The following EFHC2 variants were observed in gnomAD, a reference collection of about 807,000 sequenced individuals.
The protein encoded by EFHC2 is EF-hand domain-containing family member C2.
A neutral mutation model predicts 52.7 loss-of-function variants in EFHC2; 18 were observed. The observed-to-expected ratio is 0.34, with a 90% CI of 0.24 to 0.51. EFHC2 has a LOEUF of 0.51. EFHC2 is among the 20% of genes least tolerant of loss of function. EFHC2 has a pLI of 0.97. For synonymous variants in EFHC2, 203 were observed against 204.1 expected (o/e 0.99, Z 0.04); for missense variants, 513 against 562.5 (o/e 0.91, Z 0.89).
chrX:44,231,123 T>C (rs1006532656), intron 10 of EFHC2, among the ~76,000 whole-genome samples: 2 of 111,872 alleles, frequency 1.8e-5, no homozygotes, highest in Non-Finnish European at 3.8e-5. Flanking sequence ...TCCCTAAGAC[T>C]ACAAATGGAG....
At chrX:44,309,851 C>T in intron 2 of EFHC2, 3 of 1,178,201 alleles carry the variant, frequency 2.5e-6, no homozygotes, top group Non-Finnish European at 3.5e-6. Flanking sequence ...CAGCGCAAGG[C>T]CCAATCTGCC....
At chrX:44,308,216 A>G (rs1005988048) in intron 2 of EFHC2, among the ~76,000 whole-genome samples, 25 of 111,368 alleles carry the variant, frequency 2.2e-4, no homozygotes, top group African/African-American at 7.5e-4. Context: ...ATAAACAACA[A>G]CTTGTAGGAA....
At chrX:44,245,337 G>GA (rs1467079284) in intron 7 of EFHC2, among the ~76,000 whole-genome samples, 2 of 112,051 alleles carry the variant, frequency 1.8e-5, no homozygotes, top group African/African-American at 6.5e-5. Context: ...CAGCCACTAA[G>GA]AAAAAATAAG....
chrX:44,254,937 C>G (rs766292299), intron 4 of EFHC2, among the ~76,000 whole-genome samples: 1 of 111,880 alleles, frequency 8.9e-6, no homozygotes, highest in African/African-American at 3.2e-5. Context: ...TGCAGAAACC[C>G]TACAAGCCAC....
chrX:44,293,394 A>G (rs2037806414), intron 2 of EFHC2, among the ~76,000 whole-genome samples: 1 of 111,222 alleles, frequency 9.0e-6, no homozygotes, highest in African/African-American at 3.3e-5. Context: ...CAATTTCACC[A>G]CATCATCTAT....
chrX:44,154,378 G>A (rs2036591720), intron 14 of EFHC2, among the ~76,000 whole-genome samples: 1 of 112,052 alleles, frequency 8.9e-6, no homozygotes. Context: ...GGATGACTCT[G>A]AAGTGTCAGT....
At chrX:44,232,749 C>T (rs2037288574) in intron 9 of EFHC2, 72 bp from the exon 10 acceptor site, 2 of 990,830 alleles carry the variant, frequency 2.0e-6, no homozygotes, top group African/African-American at 1.9e-5. Flanking sequence ...TTCAGAGTTA[C>T]TTTATCTTCA....
chrX:44,181,251 T>C (rs2036833277), intron 11 of EFHC2, among the ~76,000 whole-genome samples: 1 of 111,083 alleles, frequency 9.0e-6, no homozygotes, highest in Admixed American at 9.6e-5. Flanking sequence ...AAAACATCAA[T>C]AGTATTATCC....
intron 8 of EFHC2, among the ~76,000 whole-genome samples, chrX:44,235,678 G>A (rs926709069): frequency 2.7e-5 from 3 of 112,396 alleles, no homozygotes; most frequent in African/African-American, 9.7e-5. Flanking sequence ...AACACATTGG[G>A]AAAATGAACC....
chrX:44,161,120 A>G (rs2036650923), intron 14 of EFHC2, among the ~76,000 whole-genome samples: 1 of 111,539 alleles, frequency 9.0e-6, no homozygotes, highest in South Asian at 3.8e-4. Flanking sequence ...AGAGGTAAAC[A>G]TTTGGGTGGT....
At chrX:44,176,965 G>A (rs1206698437) in intron 12 of EFHC2, among the ~76,000 whole-genome samples, 1 of 112,429 alleles carries the variant, frequency 8.9e-6, no homozygotes, top group Non-Finnish European at 1.9e-5. Context: ...TTCTCATTCA[G>A]CCAACACTTT....
chrX:44,181,283 A>T (rs1602138313), intron 11 of EFHC2, among the ~76,000 whole-genome samples: 1 of 109,657 alleles, frequency 9.1e-6, no homozygotes, highest in African/African-American at 3.3e-5. Context: ...GATGTCTTTT[A>T]AAAAAAAGTA....
At chrX:44,318,748 T>A (rs955452203) in intron 1 of EFHC2, among the ~76,000 whole-genome samples, 1 of 111,379 alleles carries the variant, frequency 9.0e-6, no homozygotes, top group African/African-American at 3.3e-5. Context: ...TCTGGGACCA[T>A]GGTGTATATT....
chrX:44,266,355 A>T (rs190544779), intron 3 of EFHC2, among the ~76,000 whole-genome samples: 1,374 of 109,513 alleles, frequency 0.013, 26 homozygotes, highest in African/African-American at 0.039. Flanking sequence ...TTTTTTTTTT[A>T]AATTTTTTTA....
chrX:44,241,893 G>C (rs2037361710), intron 8 of EFHC2, among the ~76,000 whole-genome samples: 1 of 112,075 alleles, frequency 8.9e-6, no homozygotes. Context: ...ATAGACTAGA[G>C]ATAATATTAC....
At chrX:44,317,083 G>A (rs768460130) in intron 1 of EFHC2, among the ~76,000 whole-genome samples, 11 of 112,215 alleles carry the variant, frequency 9.8e-5, no homozygotes, top group South Asian at 3.7e-4. Flanking sequence ...GGAAGGGTCC[G>A]GGGAAGAAGA....
intron 1 of EFHC2, among the ~76,000 whole-genome samples, chrX:44,321,761 G>A (rs1270130808): frequency 1.8e-5 from 2 of 111,864 alleles, no homozygotes; most frequent in South Asian, 3.7e-4. Context: ...TGACCTTGAC[G>A]AGAATGGTTT....
intron 1 of EFHC2, among the ~76,000 whole-genome samples, chrX:44,341,830 A>G (rs1314184008): frequency 1.8e-5 from 2 of 112,305 alleles, no homozygotes; most frequent in Non-Finnish European, 3.8e-5. Flanking sequence ...TCATGATCTT[A>G]AAGTTTTTTA....
chrX:44,217,291 A>C (rs2147309869), intron 11 of EFHC2, among the ~76,000 whole-genome samples: 1 of 111,839 alleles, frequency 8.9e-6, no homozygotes, highest in Non-Finnish European at 1.9e-5. Context: ...AATTAGTATA[A>C]CCACTGTGGA....
Sources: gnomAD v4.1 joint callset for allele counts (sites outside exome capture counted in the v4.1 genomes callset) on GRCh38, gnomAD v4.1.1 for gene constraint, MANE v1.5 for transcripts, NCBI Gene and HGNC (gene_info 2026-07-23, HGNC 2026-07-21) for gene names.